NAA38: variants seen among roughly 807,000 people sequenced by gnomAD.
The protein encoded by NAA38 is N-alpha-acetyltransferase 38, NatC auxiliary subunit.
NAA38 carries 15 observed loss-of-function variants against 12.6 expected under a neutral mutation model. The ratio of observed to expected loss-of-function variants is 1.19; its 90% CI spans 0.79 to 1.83. The LOEUF is 1.83. NAA38 is among the 40% of genes most tolerant of loss of function. The pLI is 0.00. For synonymous variants in NAA38, 88 were observed against 69.9 expected, an observed-to-expected ratio of 1.26 and a Z score of -1.29; for missense variants, 183 against 171.7, an observed-to-expected ratio of 1.07 and a Z score of -0.37.
intron 2 of NAA38, 78 bp from the exon 3 acceptor site, chr17:7,856,921 G>T: frequency 1.3e-6 from 2 of 1,592,286 alleles, no homozygotes; most frequent in Non-Finnish European, 1.7e-6. Flanking sequence ...ACGAGCCCCA[G>T]AAAACAAGGG....
upstream of NAA38, chr17:7,859,255 CTT>C (rs970247546): frequency 1.4e-6 from 1 of 717,750 alleles, no homozygotes; most frequent in African/African-American, 1.8e-5. Flanking sequence ...GGAGTTTCAG[CTT>C]TTTTTTCCCG....
intron 2 of NAA38, among the ~76,000 whole-genome samples, chr17:7,872,903 A>T (rs1967110839): frequency 6.6e-6 from 1 of 152,166 alleles, no homozygotes; most frequent in Admixed American, 6.5e-5. Context: ...GACTGATACG[A>T]CAGTGGAGAA....
chr17:7,877,114 C>T (rs1466795711), intron 2 of NAA38: 2 of 348,760 alleles, frequency 5.7e-6, no homozygotes, highest in African/African-American at 2.2e-5. Context: ...CTTTTTATCC[C>T]ATTTGGCTCC....
intron 2 of NAA38, among the ~76,000 whole-genome samples, chr17:7,870,915 C>T (rs1023525462): frequency 2.0e-5 from 3 of 150,682 alleles, no homozygotes; most frequent in African/African-American, 7.3e-5. Context: ...ATTGTAGAAA[C>T]GGGGTCTCAC....
chr17:7,868,212 A>G (rs1567816649), intron 2 of NAA38, among the ~76,000 whole-genome samples: 1 of 152,186 alleles, frequency 6.6e-6, no homozygotes, highest in Non-Finnish European at 1.5e-5. Context: ...AGGAAGAGCT[A>G]GAGGGTGAAA....
At chr17:7,866,586 G>A in intron 2 of NAA38, 1 of 1,094,594 alleles carries the variant, frequency 9.1e-7, no homozygotes, top group Non-Finnish European at 1.2e-6. Flanking sequence ...CTTTGCATCA[G>A]AGCCTTCCTA....
chr17:7,857,258 A>G (rs2078830432), intron 1 of NAA38, 60 bp from the exon 2 acceptor site: 1 of 1,609,780 alleles, frequency 6.2e-7, no homozygotes, highest in African/African-American at 1.3e-5. Context: ...CCGCGGAACC[A>G]CAGCTCCCGG....
At chr17:7,869,178 CACTT>C (rs1464970416) in intron 2 of NAA38, among the ~76,000 whole-genome samples, 1 of 152,156 alleles carries the variant, frequency 6.6e-6, no homozygotes, top group Non-Finnish European at 1.5e-5. Flanking sequence ...TAAGTTAGCT[CACTT>C]AAACCTCACC....
intron 2 of NAA38, among the ~76,000 whole-genome samples, chr17:7,877,667 TTCTC>T (rs1421349217): frequency 6.6e-6 from 1 of 152,202 alleles, no homozygotes; most frequent in African/African-American, 2.4e-5. Flanking sequence ...TGGTGACTGT[TTCTC>T]TATAATAAAT....
At chr17:7,883,628 G>A (rs1967362517) in intron 1 of NAA38, among the ~76,000 whole-genome samples, 1 of 151,866 alleles carries the variant, frequency 6.6e-6, no homozygotes, top group Non-Finnish European at 1.5e-5. Flanking sequence ...AAGTCACTAG[G>A]ATTTCTATCA....
At chr17:7,868,853 T>C (rs1237068796) in intron 2 of NAA38, among the ~76,000 whole-genome samples, 2 of 152,216 alleles carry the variant, frequency 1.3e-5, no homozygotes, top group Non-Finnish European at 2.9e-5. Flanking sequence ...AACAATAGTG[T>C]TTATTCCTCC....
chr17:7,874,930 C>T (rs1268962261), intron 2 of NAA38, among the ~76,000 whole-genome samples: 1 of 147,638 alleles, frequency 6.8e-6, no homozygotes, highest in African/African-American at 2.5e-5. Flanking sequence ...TGTGGTGGCT[C>T]ACACCTGTAA....
chr17:7,867,121 T>C (rs921809622), intron 2 of NAA38, among the ~76,000 whole-genome samples: 2 of 151,882 alleles, frequency 1.3e-5, no homozygotes, highest in Admixed American at 1.3e-4. Flanking sequence ...CAAACGTAGA[T>C]TGGAGAGTTT....
chr17:7,869,287 G>A (rs567617720), intron 2 of NAA38, among the ~76,000 whole-genome samples: 2 of 152,348 alleles, frequency 1.3e-5, no homozygotes, highest in South Asian at 4.1e-4. Flanking sequence ...TAGTTATTAA[G>A]TGGCAGAGCT....
chr17:7,865,836 G>A, intron 3 of NAA38: 1 of 152,148 alleles, frequency 6.6e-6, no homozygotes, highest in African/African-American at 2.4e-5. Context: ...GTGTGTAGGG[G>A]AGACAGGGCA....
intron 2 of NAA38, among the ~76,000 whole-genome samples, chr17:7,873,855 A>G (rs1967128853): frequency 6.6e-6 from 1 of 152,220 alleles, no homozygotes; most frequent in African/African-American, 2.4e-5. Flanking sequence ...TAAAATGAAC[A>G]TAGGTATCCT....
intron 1 of NAA38, chr17:7,884,775 T>C (rs946216813): frequency 1.0e-5 from 1 of 95,640 alleles, no homozygotes; most frequent in South Asian, 2.5e-4. Flanking sequence ...GGGCGGTGGG[T>C]GGGGGGGTGG....
upstream of NAA38, chr17:7,858,509 G>A (rs1481122596): frequency 1.9e-6 from 3 of 1,614,120 alleles, no homozygotes; most frequent in Non-Finnish European, 1.7e-6. Context: ...GGGATTGTGG[G>A]TAGAGGAAAT....
In NAA38 at chr17:7,857,064, A is replaced by G; in HGVS notation, c.216T>C (p.Arg72=). 6.2e-7 allele frequency: 1 copy of G among 1,613,356 alleles called. No homozygotes were observed. Among genetic ancestry groups the G allele is most frequent in the Non-Finnish European group, 8.5e-7 (1 of 1,179,876 alleles). Residue 72 remains arginine (R), a synonymous_variant, in exon 2 of 3, where the codon CGT becomes CGC. Coordinates refer to ENST00000575771, the MANE Select transcript of NAA38 (RefSeq NM_001320925.4). ...TLVGCFLCTD[R]DCNVILGSAQ... is the part of the protein sequence containing the mutation. ...CCGAGCCCAGGATGACATTGCAGTC[A>G]CGGTCAGTGCAGAGGAAGCAGCCGA...
Sources: allele counts gnomAD v4.1 joint callset (sites outside exome capture counted in the v4.1 genomes callset), GRCh38; gene constraint gnomAD v4.1.1; transcripts MANE v1.5; gene names NCBI Gene and HGNC (gene_info 2026-07-23, HGNC 2026-07-21).